Variants in INSYN2A observed in about 807,000 individuals in gnomAD.
INSYN2A encodes the protein family with sequence similarity 196 member A.
INSYN2A carries 17 observed loss-of-function variants against 39.4 expected under a neutral mutation model. The ratio of observed to expected loss-of-function variants is 0.43; its 90% CI spans 0.30 to 0.65. The LOEUF is 0.65. INSYN2A is among the 30% of genes least tolerant of loss of function. The pLI is 0.14. For missense variants in INSYN2A, 595 were observed against 631.2 expected, an observed-to-expected ratio of 0.94 and a Z score of 0.61; for synonymous variants, 255 against 265.7, an observed-to-expected ratio of 0.96 and a Z score of 0.39.
chr10:127,170,994 A>T (rs1341747719), intron 4 of INSYN2A, among the ~76,000 whole-genome samples: 1 of 152,212 alleles, frequency 6.6e-6, no homozygotes, highest in Non-Finnish European at 1.5e-5. Context: ...TGCAGAATTC[A>T]TCCCACTGAA....
chr10:127,194,717 T>C (rs1389092501), intron 1 of INSYN2A, among the ~76,000 whole-genome samples: 2 of 152,062 alleles, frequency 1.3e-5, no homozygotes, highest in East Asian at 1.9e-4. Context: ...AAGTCCTCGT[T>C]GAGGGGGGAG....
At chr10:127,148,577 A>ATGTTTCAT (rs2052153952) in intron 5 of INSYN2A, among the ~76,000 whole-genome samples, 1 of 152,184 alleles carries the variant, frequency 6.6e-6, no homozygotes, top group Non-Finnish European at 1.5e-5. Context: ...TTTGCCGATG[A>ATGTTTCAT]TGTTTCATTG....
chr10:127,136,807 GT>G lies in INSYN2A; in HGVS notation c.*1029del, dbSNP rs989176352. The G allele has an allele frequency of 6.6e-6, 1 of 152,554 alleles. No individual in the cohort carries two copies. The highest frequency in any genetic ancestry group is 1.5e-5 in the Non-Finnish European group (1 of 68,030). 9.5% of individuals were successfully genotyped at this position (152,554 alleles called of 1,614,324 possible). A position where few individuals can be genotyped will look rare whatever the true frequency, so the allele number is the denominator to read the frequency against. On this transcript the variant is annotated 3_prime_UTR_variant, in exon 6 of 6. Transcript: ENST00000522781. The stretch of plus-strand genomic sequence containing the variant: ...TGGTAGCAGCTAAACTAAACGCACT[GT>G]TTCTCTTTGAGATGGTCAGGGCTTC...
intron 4 of INSYN2A, among the ~76,000 whole-genome samples, chr10:127,167,509 C>A (rs941819531): frequency 6.6e-6 from 1 of 152,046 alleles, no homozygotes; most frequent in African/African-American, 2.4e-5. Context: ...GGTTCCCCCC[C>A]GCCCCGAAAC....
At chr10:127,156,693 C>T (rs974330517) in intron 4 of INSYN2A, among the ~76,000 whole-genome samples, 10 of 151,624 alleles carry the variant, frequency 6.6e-5, no homozygotes, top group Non-Finnish European at 1.5e-4. Flanking sequence ...CTCAGCCTAC[C>T]GAGTAGCTGG....
chr10:127,194,077 C>T (rs558224288), intron 1 of INSYN2A, among the ~76,000 whole-genome samples: 28 of 152,334 alleles, frequency 1.8e-4, no homozygotes, highest in African/African-American at 6.7e-4. Context: ...TTTTCAAGGA[C>T]ATCTTGTCTT....
rs370011632 is a variant in INSYN2A, at chr10:127,137,898, G to A, written c.1379C>T (p.Pro460Leu). ...AGATTCAGTTTTGGATTTTTGCTTG[G>A]GAGTTGAGGAGTAAGTCTCCTGAGA... ...PYSQETYSST[P>L]KQKSKTESKK... The change falls in exon 6 of 6, where the codon CCC becomes CTC. Residue 460 changes from proline (P) to leucine (L), a missense_variant. Pro to Leu is a moderately conservative substitution (Grantham distance 98, BLOSUM62 -3). Coordinates refer to ENST00000522781, the MANE Select transcript of INSYN2A (RefSeq NM_001039762.3). The A allele has an allele frequency of 6.2e-7, 1 of 1,614,132 alleles. No homozygotes were observed. The highest frequency in any genetic ancestry group is 8.5e-7 in the Non-Finnish European group (1 of 1,180,002).
At chr10:127,177,935 GC>G (rs1315589153) in intron 2 of INSYN2A, among the ~76,000 whole-genome samples, 9 of 152,198 alleles carry the variant, frequency 5.9e-5, no homozygotes, top group Admixed American at 5.9e-4. Context: ...AATAAGCAGC[GC>G]AGGCAGGAGC....
At chr10:127,193,511 C>G (rs990606630) in intron 1 of INSYN2A, among the ~76,000 whole-genome samples, 2 of 152,200 alleles carry the variant, frequency 1.3e-5, no homozygotes, top group South Asian at 4.1e-4. Flanking sequence ...GCATAAGTCA[C>G]CTGCTTCTCA....
At chr10:127,143,921 C>T (rs1480861576) in intron 5 of INSYN2A, among the ~76,000 whole-genome samples, 1 of 152,144 alleles carries the variant, frequency 6.6e-6, no homozygotes, top group African/African-American at 2.4e-5. Flanking sequence ...AGATCTTTCC[C>T]CCAGCCTGCA....
chr10:127,163,842 G>A (rs936900435), intron 4 of INSYN2A, among the ~76,000 whole-genome samples: 4 of 145,908 alleles, frequency 2.7e-5, no homozygotes, highest in Admixed American at 6.9e-5. Flanking sequence ...CCTGGTGGAC[G>A]TGTTCCAGGA....
At chr10:127,172,392 C>T (rs1034617123) in intron 4 of INSYN2A, among the ~76,000 whole-genome samples, 1 of 152,240 alleles carries the variant, frequency 6.6e-6, no homozygotes, top group African/African-American at 2.4e-5. Context: ...GCTGCCACTG[C>T]TCACAGCTGT....
intron 5 of INSYN2A, among the ~76,000 whole-genome samples, chr10:127,147,634 C>G (rs1006256723): frequency 1.3e-5 from 2 of 152,128 alleles, no homozygotes; most frequent in Non-Finnish European, 2.9e-5. Flanking sequence ...TGGTGCAGAA[C>G]TTGTCCTTAG....
At position 127,135,740 on chromosome 10, in the gene INSYN2A, T is replaced by C. The variant is rs910689891; in HGVS notation, c.*2097A>G. ...ACTCTGAACATTTTAATTTTATTTTTTTTTGGTCTAGACTGGTGTGAAACA... is the reference window on the plus strand; with the variant it reads ...ACTCTGAACATTTTAATTTTATTTTCTTTTGGTCTAGACTGGTGTGAAACA... On this transcript the variant is annotated 3_prime_UTR_variant, in exon 6 of 6. Coordinates refer to ENST00000522781, the MANE Select transcript of INSYN2A (RefSeq NM_001039762.3). The C allele has an allele frequency of 1.3e-5, 2 of 152,648 alleles. No individual in the cohort carries two copies. Among genetic ancestry groups the C allele is most frequent in the Admixed American group, 6.5e-5 (1 of 15,282 alleles). The allele number at this position is 152,648 out of a possible 1,614,324, so 9.5% of individuals were successfully genotyped here.
At chr10:127,186,606 ACAGAGAGCCAAACCGTAT>A (rs2056295362) in intron 2 of INSYN2A, among the ~76,000 whole-genome samples, 1 of 145,278 alleles carries the variant, frequency 6.9e-6, no homozygotes, top group Admixed American at 7.1e-5. Context: ...TTGGGTGGGG[ACAGAGAGCCAAACCGTAT>A]CAGAGGGGCA....
chr10:127,151,942 A>G (rs1415978048), intron 5 of INSYN2A, among the ~76,000 whole-genome samples: 2 of 152,186 alleles, frequency 1.3e-5, no homozygotes, highest in African/African-American at 4.8e-5. Flanking sequence ...GTCACTTTTT[A>G]TAGGAGTGAA....
intron 2 of INSYN2A, among the ~76,000 whole-genome samples, chr10:127,184,807 T>C (rs1211161602): frequency 6.6e-6 from 1 of 152,130 alleles, no homozygotes; most frequent in Non-Finnish European, 1.5e-5. Context: ...GGATAGTCTG[T>C]GTTTGGTGGT....
intron 2 of INSYN2A, among the ~76,000 whole-genome samples, chr10:127,185,045 G>T (rs2056100511): frequency 6.6e-6 from 1 of 152,196 alleles, no homozygotes; most frequent in Non-Finnish European, 1.5e-5. Flanking sequence ...GGGAAGTACT[G>T]AGAGTGCTCC....
intron 2 of INSYN2A, among the ~76,000 whole-genome samples, chr10:127,186,398 G>C (rs564856279): frequency 9.2e-5 from 14 of 151,918 alleles, no homozygotes; most frequent in Admixed American, 9.2e-4. Context: ...ATGGTGGTGC[G>C]TGCCTGTAAT....
Sources: gnomAD v4.1 joint callset for allele counts (sites outside exome capture counted in the v4.1 genomes callset) on GRCh38, gnomAD v4.1.1 for gene constraint, MANE v1.5 for transcripts, NCBI Gene and HGNC (gene_info 2026-07-23, HGNC 2026-07-21) for gene names.